The following CLSTN2 variants were observed in gnomAD, a reference collection of about 807,000 sequenced individuals.
CLSTN2 encodes the protein calsyntenin 2.
CLSTN2 carries 48 observed loss-of-function variants against 101.2 expected under a neutral mutation model. That is an observed-to-expected ratio of 0.47 (90% CI 0.38 to 0.60). The LOEUF (loss-of-function observed/expected upper bound fraction) is 0.60, where lower values mean the gene tolerates loss of function less well. Among genes scored for constraint, CLSTN2 ranks in the 20% least tolerant of loss-of-function variants. The pLI is 0.00. For synonymous variants in CLSTN2, 481 were observed against 463.6 expected (o/e 1.04, Z -0.48); for missense variants, 1,160 against 1,238.2 (o/e 0.94, Z 0.95).
intron 1 of CLSTN2, among the ~76,000 whole-genome samples, chr3:139,938,894 G>A (rs891899049): frequency 1.3e-5 from 2 of 152,014 alleles, no homozygotes; most frequent in Admixed American, 6.6e-5. Context: ...CTGGTTCTGA[G>A]CCAGTAGCAG....
At chr3:140,162,930 A>C (rs962046314) in intron 1 of CLSTN2, among the ~76,000 whole-genome samples, 1 of 152,224 alleles carries the variant, frequency 6.6e-6, no homozygotes, top group Non-Finnish European at 1.5e-5. Context: ...CATAAGCCAC[A>C]AGGGTTTTAT....
intron 1 of CLSTN2, among the ~76,000 whole-genome samples, chr3:140,135,346 C>T (rs1227738891): frequency 6.6e-6 from 1 of 151,866 alleles, no homozygotes; most frequent in Non-Finnish European, 1.5e-5. Flanking sequence ...GTGGTTGACA[C>T]TTTGGGAAGC....
chr3:140,000,085 A>T lies in CLSTN2; in HGVS notation c.109+64602A>T, dbSNP rs567402124. On this transcript the variant is annotated intron_variant, in intron 1 of 16. Coordinates refer to ENST00000458420, the MANE Select transcript of CLSTN2 (RefSeq NM_022131.3). ...ACTGTGATGGGCATTTCATATAGTC[A>T]TCCCCTTTAAGATTTACAGCAGCAG... 1.3e-4 allele frequency among the ~76,000 whole-genome samples: 18 copies of T among 143,292 alleles called. No individual in the cohort carries two copies. The South Asian group carries it at 3.8e-3, about 31-fold the overall frequency. 94.0% of individuals were successfully genotyped at this position (143,292 alleles called of 152,430 possible).
intron 2 of CLSTN2, among the ~76,000 whole-genome samples, chr3:140,363,323 G>C (rs2087749189): frequency 6.6e-6 from 1 of 152,152 alleles, no homozygotes; most frequent in Non-Finnish European, 1.5e-5. Flanking sequence ...TGGCTGCCTG[G>C]AACTAGGGGT....
intron 8 of CLSTN2, among the ~76,000 whole-genome samples, chr3:140,516,099 CTTTT>C (rs544938240): frequency 2.4e-4 from 37 of 152,020 alleles, no homozygotes; most frequent in African/African-American, 8.0e-4. Flanking sequence ...TCCTCTTTGT[CTTTT>C]TTTAACTCTG....
chr3:140,005,969 G>T (rs1008674681), intron 1 of CLSTN2, among the ~76,000 whole-genome samples: 2 of 152,188 alleles, frequency 1.3e-5, no homozygotes, highest in Non-Finnish European at 2.9e-5. Flanking sequence ...GAACAATATT[G>T]TATACTTGAT....
chr3:140,171,807 T>G (rs1476936729), intron 1 of CLSTN2, among the ~76,000 whole-genome samples: 1 of 88,338 alleles, frequency 1.1e-5, no homozygotes, highest in Non-Finnish European at 1.9e-5. Flanking sequence ...TAATATGTAT[T>G]ATATATTATA....
At chr3:140,327,045 T>C (rs1354770315) in intron 2 of CLSTN2, among the ~76,000 whole-genome samples, 5 of 152,208 alleles carry the variant, frequency 3.3e-5, no homozygotes, top group Non-Finnish European at 5.9e-5. Flanking sequence ...AGCAATTGTG[T>C]ATGTAGCTCT....
At chr3:140,434,643 G>T (rs2088669008) in intron 5 of CLSTN2, among the ~76,000 whole-genome samples, 2 of 152,210 alleles carry the variant, frequency 1.3e-5, no homozygotes, top group South Asian at 4.1e-4. Context: ...AAGGGATTGG[G>T]GAAGGGGCCA....
intron 1 of CLSTN2, among the ~76,000 whole-genome samples, chr3:140,135,867 C>G (rs2009609020): frequency 6.6e-6 from 1 of 152,162 alleles, no homozygotes; most frequent in Admixed American, 6.6e-5. Flanking sequence ...TAACCCCAAA[C>G]TAAGTTATAT....
At chr3:139,980,362 C>G (rs370124928) in intron 1 of CLSTN2, among the ~76,000 whole-genome samples, 1 of 152,120 alleles carries the variant, frequency 6.6e-6, no homozygotes, top group East Asian at 1.9e-4. Context: ...GACTTTTACT[C>G]CAGATGTCCA....
At chr3:140,072,169 A>T (rs1262602782) in intron 1 of CLSTN2, among the ~76,000 whole-genome samples, 1 of 146,006 alleles carries the variant, frequency 6.8e-6, no homozygotes, top group Non-Finnish European at 1.5e-5. Context: ...CTTGGAAAAA[A>T]GATTAATTGC....
At chr3:140,067,711 G>A (rs1328107070) in intron 1 of CLSTN2, among the ~76,000 whole-genome samples, 32 of 152,248 alleles carry the variant, frequency 2.1e-4, no homozygotes, top group Admixed American at 2.1e-3. Context: ...TCCCCTGTGA[G>A]TGGTCATTTT....
Position 140,438,431 on chromosome 3 carries a change from T to TAAAAAAAAAAAA in CLSTN2, c.788-10077_788-10066dup, listed in dbSNP as rs60186664. Among the ~76,000 whole-genome samples the TAAAAAAAAAAAA allele has an allele frequency of 3.5e-4, 16 of 45,672 alleles. 5 individuals carry two copies. The highest frequency in any genetic ancestry group is 4.9e-4 in the Non-Finnish European group (15 of 30,838). 30.0% of individuals were successfully genotyped at this position (45,672 alleles called of 152,430 possible). On this transcript the variant is annotated intron_variant, in intron 5 of 16. Transcript: ENST00000458420. Reference sequence around the variant, plus strand: ...CCACCTAGGAAAATGGTCCTTTCATTAAAAAAAAAAAAAAAAAAAAAAGCT... The same window carrying TAAAAAAAAAAAA: ...CCACCTAGGAAAATGGTCCTTTCATTAAAAAAAAAAAAAAAAAAAAAAAAAAAAAAAAAAGCT...
chr3:140,256,852 T>C (rs1399095147), intron 2 of CLSTN2, among the ~76,000 whole-genome samples: 1 of 152,220 alleles, frequency 6.6e-6, no homozygotes, highest in African/African-American at 2.4e-5. Context: ...TTTTTGTTTT[T>C]TAAATTTACA....
At chr3:139,988,723 G>T (rs1410006766) in intron 1 of CLSTN2, among the ~76,000 whole-genome samples, 1 of 152,190 alleles carries the variant, frequency 6.6e-6, no homozygotes, top group Non-Finnish European at 1.5e-5. Context: ...AGAGAAAGTT[G>T]CAAGGATGCA....
chr3:140,261,670 TA>T (rs11297119), intron 2 of CLSTN2, among the ~76,000 whole-genome samples: 8,568 of 152,158 alleles, frequency 0.056, 554 homozygotes, highest in African/African-American at 0.16. Flanking sequence ...CTATGTATAC[TA>T]GCCTGTTATA....
intron 1 of CLSTN2, among the ~76,000 whole-genome samples, chr3:140,110,590 G>A (rs558735432): frequency 6.6e-6 from 1 of 152,192 alleles, no homozygotes; most frequent in Non-Finnish European, 1.5e-5. Context: ...ATGTTCTAAA[G>A]TAATTCCCTT....
chr3:140,494,412 A>T (rs574503638), intron 8 of CLSTN2, among the ~76,000 whole-genome samples: 1 of 152,330 alleles, frequency 6.6e-6, no homozygotes, highest in South Asian at 2.1e-4. Context: ...GATCAAGTTC[A>T]GCTGATTGCT....
Sources: gnomAD v4.1 joint callset for allele counts (sites outside exome capture counted in the v4.1 genomes callset) on GRCh38, gnomAD v4.1.1 for gene constraint, MANE v1.5 for transcripts, NCBI Gene and HGNC (gene_info 2026-07-23, HGNC 2026-07-21) for gene names.